Variants in METTL5 observed in about 807,000 individuals in gnomAD.
The protein encoded by METTL5 is rRNA N(6)-adenosine-methyltransferase METTL5.
In METTL5, 28 loss-of-function variants were observed where a neutral mutation model predicts 26.5. The observed-to-expected ratio is 1.06, with a 90% CI of 0.78 to 1.45. METTL5 has a LOEUF of 1.45. Among genes scored for constraint, METTL5 ranks in the 40% most tolerant of loss-of-function variants. The pLI is 0.00. For synonymous variants in METTL5, 86 were observed against 82.6 expected, an observed-to-expected ratio of 1.04 and a Z score of -0.22; for missense variants, 231 against 249.9, an observed-to-expected ratio of 0.92 and a Z score of 0.51.
chr2:169,817,192 A>G (rs1205251119), intron 4 of METTL5, among the ~76,000 whole-genome samples: 1 of 152,242 alleles, frequency 6.6e-6, no homozygotes, highest in Non-Finnish European at 1.5e-5. Flanking sequence ...AATGCTCATC[A>G]TCAGTGGTCA....
intron 5 of METTL5, among the ~76,000 whole-genome samples, chr2:169,813,995 A>G (rs1234607270): frequency 6.6e-6 from 1 of 152,164 alleles, no homozygotes; most frequent in Non-Finnish European, 1.5e-5. Flanking sequence ...TTGTTAGTTT[A>G]TTATTGTGAA....
intron 5 of METTL5, among the ~76,000 whole-genome samples, chr2:169,814,819 C>T (rs1258755593): frequency 6.6e-6 from 1 of 151,934 alleles, no homozygotes; most frequent in Non-Finnish European, 1.5e-5. Context: ...TCGTGATCCG[C>T]CTGCCTCAGC....
At chr2:169,820,655 GTTTA>G (rs1334944438) in intron 3 of METTL5, among the ~76,000 whole-genome samples, 2 of 152,170 alleles carry the variant, frequency 1.3e-5, no homozygotes, top group African/African-American at 2.4e-5. Flanking sequence ...CTTAGCCTTG[GTTTA>G]TTTAATGAAG....
intron 5 of METTL5, 56 bp from the exon 6 acceptor site, chr2:169,812,562 T>G: frequency 5.1e-6 from 8 of 1,558,250 alleles, no homozygotes; most frequent in Non-Finnish European, 7.0e-6. Context: ...TTTACCACCC[T>G]TGACTAAACA....
chr2:169,823,119 C>G (rs1446074414), intron 1 of METTL5, among the ~76,000 whole-genome samples: 1 of 152,026 alleles, frequency 6.6e-6, no homozygotes, highest in Admixed American at 6.6e-5. Flanking sequence ...GCAGCTGGGA[C>G]TATAGGCACA....
chr2:169,824,764 G>A lies in METTL5; in HGVS notation c.-167C>T. The A allele has an allele frequency of 3.4e-6, 2 of 581,122 alleles. No homozygotes were observed. Among genetic ancestry groups the A allele is most frequent in the East Asian group, 5.9e-5 (2 of 33,904 alleles). 36.0% of individuals were successfully genotyped at this position (581,122 alleles called of 1,614,324 possible). ...GGAGACGCCCGGACGCAGGGCACGG[G>A]GCGAGCCTCTGACCCACCTCCCGGC... On this transcript the variant is annotated 5_prime_UTR_variant, in exon 1 of 7. Coordinates refer to ENST00000260953, the MANE Select transcript of METTL5 (RefSeq NM_014168.4).
chr2:169,814,959 T>G (rs1690096587), intron 5 of METTL5, among the ~76,000 whole-genome samples: 1 of 151,952 alleles, frequency 6.6e-6, no homozygotes, highest in South Asian at 2.1e-4. Context: ...TGGTGCGATC[T>G]CGGCTCACTG....
Position 169,812,496 on chromosome 2 carries a change from A to C in METTL5, c.552T>G (p.Tyr184Ter), listed in dbSNP as rs1690006645. 1.2e-6 allele frequency: 2 copies of C among 1,613,796 alleles called. No homozygotes were observed. The highest frequency in any genetic ancestry group is 1.1e-5 in the South Asian group (1 of 90,968). ...IKIDIIAELRYDLPASYKFHK... is the reference protein window; with the variant it reads ...IKIDIIAELR ...GAAACTTGTATGATGCTGGCAGGTC[A>C]TATCGAAGTTCTGTAAAACAAAAGC... Residue 184 changes from tyrosine to a stop codon, truncating the protein, a stop_gained, in exon 6 of 7, where the codon TAT becomes TAG. Coordinates refer to ENST00000260953, the MANE Select transcript of METTL5 (RefSeq NM_014168.4). LOFTEE classifies it high-confidence loss of function.
rs1246716253 is a variant in METTL5 at position 169,812,501 on chromosome 2, G to C, written c.547C>G (p.Arg183Gly). ...KIKIDIIAEL[R>G]YDLPASYKFH... ...TTGTATGATGCTGGCAGGTCATATC[G>C]AAGTTCTGTAAAACAAAAGCCACCT... Residue 183 changes from arginine (R) to glycine (G), a missense_variant, in exon 6 of 7, where the codon CGA (arginine) becomes GGA (glycine). Coordinates refer to ENST00000260953, the MANE Select transcript of METTL5 (RefSeq NM_014168.4). 6.2e-7 allele frequency: 1 copy of C among 1,613,294 alleles called. No individual in the cohort carries two copies. The highest frequency in any genetic ancestry group is 1.3e-5 in the African/African-American group (1 of 74,848).
chr2:169,816,288 C>T (rs1171584114), intron 4 of METTL5, among the ~76,000 whole-genome samples: 1 of 152,142 alleles, frequency 6.6e-6, no homozygotes, highest in African/African-American at 2.4e-5. Context: ...CAAGACTATA[C>T]TTTCAGGGAT....
intron 1 of METTL5, 29 bp from the exon 2 acceptor site, chr2:169,822,086 AAGC>A (rs766890036): frequency 1.3e-6 from 2 of 1,576,752 alleles, no homozygotes; most frequent in East Asian, 2.2e-5. Flanking sequence ...AAGAATAAGT[AAGC>A]AAGCCGGTGA....
intron 5 of METTL5, 134 bp downstream of exon 5, chr2:169,815,343 T>G: frequency 4.8e-6 from 3 of 619,974 alleles, no homozygotes; most frequent in Non-Finnish European, 8.7e-6. Context: ...TTACTCCATT[T>G]CCAATCTATT....
In METTL5 at chr2:169,815,539, A is replaced by G. The variant is rs2081494471; in HGVS notation, c.490-11T>C. On this transcript the variant is annotated splice_polypyrimidine_tract_variant and intron_variant, in intron 4 of 6. Coordinates refer to ENST00000260953, the MANE Select transcript of METTL5 (RefSeq NM_014168.4). ...TTTCTTTTGAACATGCTGAACATAAATAATATGTTGTTATGAGCTGATTTT... is the reference window on the plus strand; with the variant it reads ...TTTCTTTTGAACATGCTGAACATAAGTAATATGTTGTTATGAGCTGATTTT... The G allele has an allele frequency of 2.5e-6, 4 of 1,579,986 alleles. No homozygotes were observed. The highest frequency in any genetic ancestry group is 1.7e-5 in the Admixed American group (1 of 58,008).
chr2:169,824,409 C>T, intron 1 of METTL5, 80 bp downstream of exon 1: 1 of 1,124,488 alleles, frequency 8.9e-7, no homozygotes, highest in East Asian at 2.4e-5. Context: ...TTCTCTGTAT[C>T]CAAATAACTG....
At position 169,822,740 on chromosome 2, in the gene METTL5, T is replaced by C. The variant is rs149955035; in HGVS notation, c.110-683A>G. Reference sequence around the variant, plus strand: ...GCCACTGTGCCTAGCCACAGAACTTTGTTTTAACAAGTTTGTCACCAGAAC... The same window carrying C: ...GCCACTGTGCCTAGCCACAGAACTTCGTTTTAACAAGTTTGTCACCAGAAC... On this transcript the variant is annotated intron_variant, in intron 1 of 6. Transcript: ENST00000260953. Among the ~76,000 whole-genome samples the C allele has an allele frequency of 5.7e-3, 874 of 152,226 alleles. 4 individuals carry two copies. Among genetic ancestry groups the C allele is most frequent in the African/African-American group, 0.02 (829 of 41,524 alleles).
Position 169,821,244 on chromosome 2 carries a change from T to A in METTL5, c.254A>T (p.Asp85Val). 6.2e-7 allele frequency: 1 copy of A among 1,609,894 alleles called. No homozygotes were observed. The highest frequency in any genetic ancestry group is 8.5e-7 in the Non-Finnish European group (1 of 1,178,608). ...GLCVGFDIDEDALEIFNRNAE... is the reference protein window; with the variant it reads ...GLCVGFDIDEVALEIFNRNAE... ...ATTCCTATTAAATATTTCCAATGCG[T>A]CTTCATCTATGTCAAATCCAACACA... The change falls in exon 3 of 7, where the codon GAC (aspartate) becomes GTC (valine). Residue 85 changes from aspartate (D) to valine (V), a missense_variant. Coordinates refer to ENST00000260953, the MANE Select transcript of METTL5 (RefSeq NM_014168.4).
chr2:169,824,734 C>G lies in METTL5; in HGVS notation c.-137G>C. The G allele has an allele frequency of 4.4e-6, 3 of 677,012 alleles. No individual in the cohort carries two copies. The South Asian group carries it at 5.2e-5, about 12-fold the overall frequency. 41.9% of individuals were successfully genotyped at this position (677,012 alleles called of 1,614,324 possible). A position where few individuals can be genotyped will look rare whatever the true frequency, so the allele number is the denominator to read the frequency against. On this transcript the variant is annotated 5_prime_UTR_variant, in exon 1 of 7. Coordinates refer to ENST00000260953, the MANE Select transcript of METTL5 (RefSeq NM_014168.4). ...CCGCTGGCCGGACCCGAAGACGCGC[C>G]CTAAGGAGACGCCCGGACGCAGGGC...
chr2:169,812,466 T>C lies in METTL5; in HGVS notation c.582A>G (p.Lys194=). 2 of 1,614,090 alleles carry C rather than the reference T, an allele frequency of 1.2e-6. No individual in the cohort carries two copies. Among genetic ancestry groups the C allele is most frequent in the Non-Finnish European group, 1.7e-6 (2 of 1,179,980 alleles). The change falls in exon 6 of 7, where the codon AAA becomes AAG. Residue 194 remains lysine (K), a synonymous_variant. Transcript: ENST00000260953. ...YDLPASYKFH[K]KKSVDIEVDL... ...AAATCAAGAGACTTACTGATTTCTT[T>C]TTGTGAAACTTGTATGATGCTGGCA...
chr2:169,812,446 AAG>A lies in METTL5; in HGVS notation c.591+9_591+10del. On this transcript the variant is annotated intron_variant, in intron 6 of 6. Transcript: ENST00000260953. Reference sequence around the variant, plus strand: ...TACCGAATGTAGACCAGCCAAAATCAAGAGACTTACTGATTTCTTTTTGTGAA... The same window carrying A: ...TACCGAATGTAGACCAGCCAAAATCAAGACTTACTGATTTCTTTTTGTGAA... 6.2e-7 allele frequency: 1 copy of A among 1,614,046 alleles called. No homozygotes were observed. Among genetic ancestry groups the A allele is most frequent in the Non-Finnish European group, 8.5e-7 (1 of 1,179,970 alleles).
Sources: allele counts gnomAD v4.1 joint callset (sites outside exome capture counted in the v4.1 genomes callset), GRCh38; gene constraint gnomAD v4.1.1; transcripts MANE v1.5; gene names NCBI Gene and HGNC (gene_info 2026-07-23, HGNC 2026-07-21).